Variants in RAD54L2 observed in about 807,000 individuals in gnomAD.
RAD54L2 encodes the protein helicase ARIP4.
In RAD54L2, 27 loss-of-function variants were observed where a neutral mutation model predicts 138.4. That is an observed-to-expected ratio of 0.20 (90% confidence interval 0.14 to 0.27). The LOEUF (loss-of-function observed/expected upper bound fraction) is 0.27. Ranked by LOEUF, RAD54L2 falls within the 10% of genes least tolerant of loss-of-function variation. RAD54L2 has a pLI of 1.00. For missense variants in RAD54L2, 1,396 were observed against 1,890.2 expected (o/e 0.74, Z 4.85); for synonymous variants, 644 against 723.2 (o/e 0.89, Z 1.76).
intron 16 of RAD54L2, 57 bp downstream of exon 16, chr3:51,644,031 G>T: frequency 1.4e-6 from 2 of 1,382,534 alleles, no homozygotes; most frequent in South Asian, 2.6e-5. Flanking sequence ...TTGGCCACCT[G>T]GGCTGGTACC....
chr3:51,652,249 G>C (rs1294264543), intron 19 of RAD54L2, among the ~76,000 whole-genome samples: 3 of 152,264 alleles, frequency 2.0e-5, no homozygotes, highest in African/African-American at 7.2e-5. Flanking sequence ...CCTCTTCAAG[G>C]AGAACTATAA....
At chr3:51,624,608 A>G (rs1700636319) in intron 3 of RAD54L2, among the ~76,000 whole-genome samples, 1 of 152,216 alleles carries the variant, frequency 6.6e-6, no homozygotes, top group South Asian at 2.1e-4. Context: ...CACAACCCTT[A>G]GAGGTTACTA....
chr3:51,611,822 CTGGGA>C (rs1397605753), intron 3 of RAD54L2, among the ~76,000 whole-genome samples: 3 of 152,074 alleles, frequency 2.0e-5, no homozygotes, highest in Non-Finnish European at 4.4e-5. Flanking sequence ...TCCCAAAGTG[CTGGGA>C]TTACAGGTGT....
chr3:51,668,082 TGTGA>T lies in RAD54L2; in HGVS notation c.*4666_*4669del, dbSNP rs377714032. ...CAGCCCAGCTGTGTGTGTGTGTGTGTGTGAGTGTGTGTGTGTGTGTTTGTGTGCT... is the reference window on the plus strand; with the variant it reads ...CAGCCCAGCTGTGTGTGTGTGTGTGTGTGTGTGTGTGTGTGTTTGTGTGCT... On this transcript the variant is annotated 3_prime_UTR_variant, in exon 23 of 23. Coordinates refer to ENST00000684192, the MANE Select transcript of RAD54L2 (RefSeq NM_015106.4). 3.4e-4 allele frequency: 51 copies of T among 150,734 alleles called. No homozygotes were observed. Among genetic ancestry groups the T allele is most frequent in the African/African-American group, 1.0e-3 (40 of 39,238 alleles). The allele number at this position is 150,734 out of a possible 1,614,324, so 9.3% of individuals were successfully genotyped here.
chr3:51,580,832 T>G (rs1699589648), intron 2 of RAD54L2, among the ~76,000 whole-genome samples: 1 of 152,080 alleles, frequency 6.6e-6, no homozygotes, highest in Non-Finnish European at 1.5e-5. Flanking sequence ...GTGCATAGAG[T>G]GCCCAAGTCA....
At chr3:51,609,918 T>C (rs1700290850) in intron 3 of RAD54L2, among the ~76,000 whole-genome samples, 2 of 152,080 alleles carry the variant, frequency 1.3e-5, no homozygotes, top group Non-Finnish European at 2.9e-5. Context: ...TTGTGTGTTA[T>C]GGAAAGATTT....
chr3:51,659,663 C>G (rs748748208), intron 21 of RAD54L2, among the ~76,000 whole-genome samples: 8 of 152,178 alleles, frequency 5.3e-5, no homozygotes, highest in Non-Finnish European at 1.5e-5. Context: ...CCAACTTACT[C>G]TCTTTTGTAG....
At chr3:51,576,779 G>A (rs1303364070) in intron 2 of RAD54L2, among the ~76,000 whole-genome samples, 1 of 151,710 alleles carries the variant, frequency 6.6e-6, no homozygotes, top group Non-Finnish European at 1.5e-5. Flanking sequence ...CAATTTTGTT[G>A]ATCTTTTCAA....
In RAD54L2 at chr3:51,658,905, A is replaced by G. The variant is rs149895694; in HGVS notation, c.3317-1121A>G. Reference sequence around the variant, plus strand: ...GATAAGAATGGGTTTAACATTTTCAATTGGTTGGAAAAAAAAATCAAAAGA... The same window carrying G: ...GATAAGAATGGGTTTAACATTTTCAGTTGGTTGGAAAAAAAAATCAAAAGA... On this transcript the variant is annotated intron_variant, in intron 21 of 22. Transcript: ENST00000684192. Among the ~76,000 whole-genome samples the G allele has an allele frequency of 6.0e-3, 902 of 151,412 alleles. 13 individuals carry two copies. The highest frequency in any genetic ancestry group is 0.021 in the African/African-American group (867 of 41,420).
In RAD54L2 at chr3:51,629,344, C is replaced by T. The variant is rs1438802996; in HGVS notation, c.352C>T (p.Arg118Trp). 16 of 1,588,866 alleles carry T rather than the reference C, an allele frequency of 1.0e-5. No individual in the cohort carries two copies. The highest frequency in any genetic ancestry group is 1.8e-5 in the Admixed American group (1 of 55,492). ...TATGTGAATGTTTAGAAAGCTACTC[C>T]GGGAGGATCAATTGGAGCCTGTTAC... Reference protein sequence around the residue: ...HMRRNIRKLLREDQLEPVTKA... With the variant: ...HMRRNIRKLLWEDQLEPVTKA... The change falls in exon 5 of 23, where the codon CGG (arginine) becomes TGG (tryptophan). Residue 118 changes from arginine (R) to tryptophan (W), a missense_variant. Arg to Trp is a moderately radical substitution (Grantham distance 101). Coordinates refer to ENST00000684192, the MANE Select transcript of RAD54L2 (RefSeq NM_015106.4).
intron 3 of RAD54L2, among the ~76,000 whole-genome samples, chr3:51,598,135 GTGTGTATATATATA>G (rs1417511020): frequency 4.2e-5 from 6 of 141,300 alleles, no homozygotes; most frequent in Non-Finnish European, 9.0e-5. Context: ...ATATATATAT[GTGTGTATATATATA>G]TGTGTGTGTG....
At chr3:51,649,574 G>A (rs1481306959) in intron 19 of RAD54L2, among the ~76,000 whole-genome samples, 1 of 152,214 alleles carries the variant, frequency 6.6e-6, no homozygotes, top group Non-Finnish European at 1.5e-5. Flanking sequence ...ACAAAGGGAA[G>A]CCCATCAGAC....
intron 2 of RAD54L2, among the ~76,000 whole-genome samples, chr3:51,574,464 A>T (rs1182961956): frequency 6.6e-6 from 1 of 152,204 alleles, no homozygotes; most frequent in Non-Finnish European, 1.5e-5. Context: ...TCCCACCAAC[A>T]GTGTAAAAGT....
intron 2 of RAD54L2, among the ~76,000 whole-genome samples, chr3:51,570,614 A>T (rs1699318625): frequency 6.9e-6 from 1 of 144,984 alleles, no homozygotes; most frequent in Non-Finnish European, 1.5e-5. Context: ...GCGCCACCAC[A>T]CCCAGCTAAT....
chr3:51,557,295 A>G (rs545123048), intron 2 of RAD54L2, among the ~76,000 whole-genome samples: 35 of 146,528 alleles, frequency 2.4e-4, no homozygotes, highest in African/African-American at 8.3e-4. Context: ...GTATTCTCCA[A>G]CCTCAGCCTC....
At chr3:51,586,043 T>C (rs953701529) in intron 2 of RAD54L2, among the ~76,000 whole-genome samples, 2 of 151,990 alleles carry the variant, frequency 1.3e-5, no homozygotes, top group Non-Finnish European at 2.9e-5. Flanking sequence ...ACCATGTCTG[T>C]CTAACAGTTC....
rs1701942299 is a variant in RAD54L2 at position 51,667,825 on chromosome 3, G to A, written c.*4405G>A. ...ACAATGAACTTCTTGAGCAGGCAGT[G>A]TCCAACTTCTTTGCTCTTCAGGGAC... On this transcript the variant is annotated 3_prime_UTR_variant, in exon 23 of 23. Transcript: ENST00000684192. The A allele has an allele frequency of 6.6e-6, 1 of 152,186 alleles. No homozygotes were observed. The highest frequency in any genetic ancestry group is 1.5e-5 in the Non-Finnish European group (1 of 68,086). 9.4% of individuals were successfully genotyped at this position (152,186 alleles called of 1,614,324 possible). A position where few individuals can be genotyped will look rare whatever the true frequency, so the allele number is the denominator to read the frequency against.
Position 51,630,784 on chromosome 3 carries a change from GGAA to G in RAD54L2, c.684_686del (p.Glu229del). On this transcript the variant is annotated inframe_deletion, in exon 7 of 23. Transcript: ENST00000684192. The stretch of plus-strand genomic sequence containing the variant: ...GTGAATCTGTCAGTGAAGATGATGA[GGAA>G]GAAGAGAAGGGTGGCACCCATGTCA... 6.2e-7 allele frequency: 1 copy of G among 1,613,982 alleles called. No homozygotes were observed. Among genetic ancestry groups the G allele is most frequent in the Non-Finnish European group, 8.5e-7 (1 of 1,179,854 alleles).
At chr3:51,594,760 A>G (rs1292203088) in intron 3 of RAD54L2, among the ~76,000 whole-genome samples, 1 of 151,792 alleles carries the variant, frequency 6.6e-6, no homozygotes, top group East Asian at 1.9e-4. Context: ...CACTGGACAC[A>G]AGAGGGGTAA....
Sources: gnomAD v4.1 joint callset for allele counts (sites outside exome capture counted in the v4.1 genomes callset) on GRCh38, gnomAD v4.1.1 for gene constraint, MANE v1.5 for transcripts, NCBI Gene and HGNC (gene_info 2026-07-23, HGNC 2026-07-21) for gene names.